CD2AP: variants seen among roughly 807,000 people sequenced by gnomAD.
CD2AP encodes the protein CD2 associated protein, also known as CD2-associated protein.
CD2AP carries 46 observed loss-of-function variants against 85.1 expected under a neutral mutation model. The observed-to-expected ratio is 0.54, with a 90% confidence interval of 0.43 to 0.69. CD2AP has a LOEUF of 0.69. Ranked by LOEUF, CD2AP falls within the 30% of genes least tolerant of loss-of-function variation. The pLI is 0.00. For synonymous variants in CD2AP, 255 were observed against 252.9 expected, an observed-to-expected ratio of 1.01 and a Z score of -0.08; for missense variants, 769 against 729.5, an observed-to-expected ratio of 1.05 and a Z score of -0.62.
chr6:47,523,360 C>T (rs1348591294), intron 2 of CD2AP, among the ~76,000 whole-genome samples: 1 of 151,964 alleles, frequency 6.6e-6, no homozygotes, highest in African/African-American at 2.4e-5. Flanking sequence ...CTGTAGTAAT[C>T]ATTTCACTAT....
At position 47,574,090 on chromosome 6, in the gene CD2AP, C is replaced by T; in HGVS notation, c.568C>T (p.Pro190Ser). The T allele has an allele frequency of 6.2e-7, 1 of 1,614,050 alleles. No individual in the cohort carries two copies. The highest frequency in any genetic ancestry group is 8.5e-7 in the Non-Finnish European group (1 of 1,179,950). The change falls in exon 6 of 18, where the codon CCT becomes TCT. Residue 190 changes from proline (P) to serine (S), a missense_variant. Coordinates refer to ENST00000359314, the MANE Select transcript of CD2AP (RefSeq NM_012120.3). ...SETVLAGPTS[P>S]IPSLGNVSET... ...AACTGTTTTGGCTGGGCCTACTTCA[C>T]CTATACCTTCTCTGGGAAATGTGAG...
chr6:47,563,559 A>G (rs541211319), intron 5 of CD2AP, among the ~76,000 whole-genome samples: 32 of 152,158 alleles, frequency 2.1e-4, no homozygotes, highest in African/African-American at 7.0e-4. Context: ...GGGATATGTA[A>G]TTTTCTTACA....
At chr6:47,581,335 G>A (rs144718866) in intron 10 of CD2AP, among the ~76,000 whole-genome samples, 2,081 of 152,248 alleles carry the variant, frequency 0.014, 28 homozygotes, top group Middle Eastern at 0.024. Context: ...GGTAGACCTA[G>A]AAGTGTCTTC....
intron 2 of CD2AP, among the ~76,000 whole-genome samples, chr6:47,519,652 A>G (rs929544078): frequency 6.6e-6 from 1 of 152,202 alleles, no homozygotes; most frequent in Non-Finnish European, 1.5e-5. Context: ...ATGTAGATAT[A>G]TAGTGGAATT....
intron 3 of CD2AP, among the ~76,000 whole-genome samples, chr6:47,542,264 A>C (rs1373248470): frequency 1.3e-5 from 2 of 152,092 alleles, no homozygotes; most frequent in African/African-American, 4.8e-5. Flanking sequence ...ATTAAGAAAA[A>C]TCTTGTTAGG....
At chr6:47,499,008 T>C (rs1319454203) in intron 1 of CD2AP, among the ~76,000 whole-genome samples, 1 of 152,242 alleles carries the variant, frequency 6.6e-6, no homozygotes, top group Non-Finnish European at 1.5e-5. Flanking sequence ...TTTCATTATT[T>C]TGATGCTCAA....
At chr6:47,595,418 T>C (rs1223717182) in intron 11 of CD2AP, among the ~76,000 whole-genome samples, 1 of 151,982 alleles carries the variant, frequency 6.6e-6, no homozygotes, top group Non-Finnish European at 1.5e-5. Flanking sequence ...CCATCATGCT[T>C]TTTAAATTTG....
At chr6:47,552,833 C>T (rs565452182) in intron 4 of CD2AP, among the ~76,000 whole-genome samples, 2 of 152,244 alleles carry the variant, frequency 1.3e-5, no homozygotes, top group Non-Finnish European at 1.5e-5. Context: ...GCTTTACTGC[C>T]TTCCCTTTCT....
At chr6:47,567,503 G>A (rs532276391) in intron 5 of CD2AP, among the ~76,000 whole-genome samples, 1 of 152,048 alleles carries the variant, frequency 6.6e-6, no homozygotes, top group South Asian at 2.1e-4. Flanking sequence ...TTTTTCCATT[G>A]GGAAAGAAAA....
intron 8 of CD2AP, among the ~76,000 whole-genome samples, chr6:47,579,163 A>G (rs1021437195): frequency 6.6e-6 from 1 of 151,974 alleles, no homozygotes; most frequent in Admixed American, 6.6e-5. Flanking sequence ...ACTTTGGGAG[A>G]CCAAATCAAG....
At chr6:47,555,064 A>G (rs930063696) in intron 5 of CD2AP, among the ~76,000 whole-genome samples, 2 of 152,310 alleles carry the variant, frequency 1.3e-5, no homozygotes, top group East Asian at 1.9e-4. Context: ...ATATATTTAT[A>G]TGCATTTTTG....
intron 1 of CD2AP, among the ~76,000 whole-genome samples, chr6:47,500,749 G>GTT (rs35365087): frequency 8.2e-4 from 115 of 140,324 alleles, no homozygotes; most frequent in South Asian, 1.6e-3. Context: ...TCCTTCCTTG[G>GTT]TTTTTTTTTT....
chr6:47,577,490 T>C (rs1217865810), intron 8 of CD2AP, among the ~76,000 whole-genome samples: 1 of 152,142 alleles, frequency 6.6e-6, no homozygotes, highest in Non-Finnish European at 1.5e-5. Flanking sequence ...AGAAGAAAAA[T>C]AGGGAAACAA....
At chr6:47,481,439 G>A (rs1313273608) in intron 1 of CD2AP, among the ~76,000 whole-genome samples, 3 of 152,094 alleles carry the variant, frequency 2.0e-5, no homozygotes, top group Non-Finnish European at 4.4e-5. Context: ...TCCGCCTCCT[G>A]GGTTCAAGGG....
intron 5 of CD2AP, among the ~76,000 whole-genome samples, chr6:47,568,970 C>T (rs1382404184): frequency 6.6e-6 from 1 of 151,958 alleles, no homozygotes. Context: ...GAGAGTTATT[C>T]AGGGAGGCAG....
chr6:47,561,396 T>C lies in CD2AP; in HGVS notation c.541+6630T>C, dbSNP rs139069886. Among the ~76,000 whole-genome samples, 65 of 152,294 alleles carry C rather than the reference T, an allele frequency of 4.3e-4. No homozygotes were observed. In the East Asian group the frequency reaches 0.012, roughly 27 times the overall value. ...TTATTTTCTGTGAACTTCCTTACTC[T>C]GTGATATAAGATATTCCAAGCTCAT... On this transcript the variant is annotated intron_variant, in intron 5 of 17. Transcript: ENST00000359314.
At chr6:47,506,794 G>GGAGGGA (rs765919738) in intron 2 of CD2AP, among the ~76,000 whole-genome samples, 6 of 80,162 alleles carry the variant, frequency 7.5e-5, no homozygotes, top group Admixed American at 2.0e-4. Flanking sequence ...AGAGGGAGAC[G>GGAGGGA]GAGGGAGAGG....
chr6:47,533,371 T>A (rs1407969695), intron 2 of CD2AP, among the ~76,000 whole-genome samples: 1 of 152,210 alleles, frequency 6.6e-6, no homozygotes, highest in Non-Finnish European at 1.5e-5. Flanking sequence ...GGTTTGAGCC[T>A]CTCTTTCCTT....
At chr6:47,580,788 A>G in intron 9 of CD2AP, 76 bp from the exon 10 acceptor site, 1 of 946,606 alleles carries the variant, frequency 1.1e-6, no homozygotes, top group Non-Finnish European at 1.7e-6. Flanking sequence ...AATTTAGATT[A>G]TTACTAATTA....
Sources: allele counts gnomAD v4.1 joint callset (sites outside exome capture counted in the v4.1 genomes callset), GRCh38; gene constraint gnomAD v4.1.1; transcripts MANE v1.5; gene names NCBI Gene and HGNC (gene_info 2026-07-23, HGNC 2026-07-21).